The following WDR26 variants were observed in gnomAD, a reference collection of about 807,000 sequenced individuals.
WDR26 encodes the protein WD repeat domain 26, also known as WD repeat-containing protein 26.
A neutral mutation model predicts 84.1 loss-of-function variants in WDR26; 5 were observed. The observed-to-expected ratio is 0.06, with a 90% confidence interval of 0.03 to 0.13. The LOEUF (loss-of-function observed/expected upper bound fraction) is 0.13. WDR26 is among the 10% of genes least tolerant of loss of function. The pLI is 1.00. For synonymous variants in WDR26, 415 were observed against 389.6 expected (o/e 1.07, Z -0.77); for missense variants, 642 against 974.9 (o/e 0.66, Z 4.55).
chr1:224,401,671 C>CAAAAAAAAAAA (rs767368281), intron 8 of WDR26, among the ~76,000 whole-genome samples: 166 of 49,610 alleles, frequency 3.3e-3, no homozygotes, highest in Admixed American at 5.3e-3. Context: ...GAGACTGTCT[C>CAAAAAAAAAAA]AAAAAAAAAA....
At chr1:224,404,225 T>C (rs1332995157) in intron 8 of WDR26, among the ~76,000 whole-genome samples, 1 of 152,204 alleles carries the variant, frequency 6.6e-6, no homozygotes, top group East Asian at 1.9e-4. Flanking sequence ...AAACACTTAC[T>C]GATCATTCTT....
In WDR26 at chr1:224,389,455, A is replaced by T. The variant is rs756571491; in HGVS notation, c.*380T>A. 9 of 462,856 alleles carry T rather than the reference A, an allele frequency of 1.9e-5. No individual in the cohort carries two copies. Among genetic ancestry groups the T allele is most frequent in the African/African-American group, 4.1e-5 (2 of 48,898 alleles). 28.7% of individuals were successfully genotyped at this position (462,856 alleles called of 1,614,324 possible). On this transcript the variant is annotated 3_prime_UTR_variant, in exon 14 of 14. Coordinates refer to ENST00000414423, the MANE Select transcript of WDR26 (RefSeq NM_001379403.1). Reference sequence around the variant, plus strand: ...TATCAAGCCTTCTAAACTGTTAAATAAAGTTTTCCAAACAAGCATTTAAAC... The same window carrying T: ...TATCAAGCCTTCTAAACTGTTAAATTAAGTTTTCCAAACAAGCATTTAAAC...
At chr1:224,405,277 C>A (rs1673521397) in intron 7 of WDR26, among the ~76,000 whole-genome samples, 1 of 152,126 alleles carries the variant, frequency 6.6e-6, no homozygotes, top group Middle Eastern at 3.2e-3. Flanking sequence ...CTTTTTATTG[C>A]TGAATAATAT....
intron 9 of WDR26, among the ~76,000 whole-genome samples, chr1:224,400,632 G>T (rs1019094839): frequency 6.6e-6 from 1 of 152,070 alleles, no homozygotes; most frequent in East Asian, 1.9e-4. Context: ...TGCAATCTCC[G>T]CCTCCTGAGT....
At chr1:224,427,116 A>AAAAAAAAAC (rs1674252952) in intron 3 of WDR26, among the ~76,000 whole-genome samples, 1 of 151,234 alleles carries the variant, frequency 6.6e-6, no homozygotes, top group African/African-American at 2.4e-5. Flanking sequence ...AAAAAAAAAA[A>AAAAAAAAAC]AAAAAAAAAA....
chr1:224,404,629 T>C (rs1361438393), intron 7 of WDR26, 59 bp from the exon 8 acceptor site: 21 of 1,544,666 alleles, frequency 1.4e-5, no homozygotes, highest in Non-Finnish European at 1.8e-5. Context: ...TGTTTCCCAA[T>C]GTAAGAACTT....
intron 7 of WDR26, among the ~76,000 whole-genome samples, chr1:224,405,235 T>A (rs1352251597): frequency 6.6e-6 from 1 of 152,226 alleles, no homozygotes; most frequent in African/African-American, 2.4e-5. Context: ...TCAGGGTTCA[T>A]CCGTGTTATA....
rs576652422 is a variant in WDR26 at position 224,418,999 on chromosome 1, G to A, written c.1162+519C>T. Among the ~76,000 whole-genome samples, 9 of 152,276 alleles carry A rather than the reference G, an allele frequency of 5.9e-5. No individual in the cohort carries two copies. The South Asian group carries it at 1.9e-3, about 32-fold the overall frequency. On this transcript the variant is annotated intron_variant, in intron 5 of 13. Transcript: ENST00000414423. The stretch of plus-strand genomic sequence containing the variant: ...TACCTCCCCAACTGCACGGCTTTGT[G>A]ATTCTTAGGATCGTCACTGTCATTT...
intron 4 of WDR26, 106 bp downstream of exon 4, chr1:224,424,412 T>C: frequency 1.4e-6 from 2 of 1,440,774 alleles, no homozygotes; most frequent in Non-Finnish European, 1.9e-6. Flanking sequence ...CCTAGACAAA[T>C]ATCTAAGAAT....
At chr1:224,401,350 G>A (rs1339601185) in intron 8 of WDR26, among the ~76,000 whole-genome samples, 1 of 152,114 alleles carries the variant, frequency 6.6e-6, no homozygotes, top group Non-Finnish European at 1.5e-5. Context: ...TCAATTATAT[G>A]CATAAACTAA....
chr1:224,426,967 G>T (rs1021306135), intron 3 of WDR26, among the ~76,000 whole-genome samples: 2 of 151,490 alleles, frequency 1.3e-5, no homozygotes, highest in African/African-American at 4.8e-5. Context: ...GCTGGGTGTG[G>T]CAGCGGGTGC....
At chr1:224,403,845 G>T (rs1046233147) in intron 8 of WDR26, among the ~76,000 whole-genome samples, 1 of 152,176 alleles carries the variant, frequency 6.6e-6, no homozygotes, top group Non-Finnish European at 1.5e-5. Flanking sequence ...GCTGAGGCAG[G>T]AGAATCGCTT....
rs997113313 is a variant in WDR26, at chr1:224,434,407, G to A, written c.-2C>T. On this transcript the variant is annotated 5_prime_UTR_variant, in exon 1 of 14. Transcript: ENST00000414423. ...AGTTTCCTCGCCGAGAGAGGCCGTG[G>A]TGGGAAGCCGGTGGGGCGAGGCGGG... 1.1e-5 allele frequency: 12 copies of A among 1,100,860 alleles called. No homozygotes were observed. Among genetic ancestry groups the A allele is most frequent in the Middle Eastern group, 3.8e-4 (1 of 2,622 alleles). 68.2% of individuals were successfully genotyped at this position (1,100,860 alleles called of 1,614,324 possible). A position where few individuals can be genotyped will look rare whatever the true frequency, so the allele number is the denominator to read the frequency against.
At position 224,392,901 on chromosome 1, in the gene WDR26, T is replaced by TA. The variant is rs201845991; in HGVS notation, c.2260+926dup. ...GAGAGCAATTAGTCATCTTTCTCAC[T>TA]AAAAAAAAAAAAAAAATTTAGGTGG... On this transcript the variant is annotated intron_variant, in intron 13 of 13. Transcript: ENST00000414423. Among the ~76,000 whole-genome samples, 466 of 134,256 alleles carry TA rather than the reference T, an allele frequency of 3.5e-3. 1 individual carries two copies. Among genetic ancestry groups the TA allele is most frequent in the East Asian group, 5.3e-3 (25 of 4,716 alleles). The allele number at this position is 134,256 out of a possible 152,430, so 88.1% of individuals were successfully genotyped here. A position where few individuals can be genotyped will look rare whatever the true frequency, so the allele number is the denominator to read the frequency against.
In WDR26 at chr1:224,386,823, T is replaced by C. The variant is rs1337270781; in HGVS notation, c.*3012A>G. ...CCTGGTTTAATATAACACATTTATC[T>C]GGCCAATAAGAGCAACAGAAATGTA... On this transcript the variant is annotated 3_prime_UTR_variant, in exon 14 of 14. Transcript: ENST00000414423. 4 of 152,194 alleles carry C rather than the reference T, an allele frequency of 2.6e-5. No homozygotes were observed. The highest frequency in any genetic ancestry group is 5.9e-5 in the Non-Finnish European group (4 of 68,026). The allele number at this position is 152,194 out of a possible 1,614,324, so 9.4% of individuals were successfully genotyped here. A position where few individuals can be genotyped will look rare whatever the true frequency, so the allele number is the denominator to read the frequency against.
intron 12 of WDR26, among the ~76,000 whole-genome samples, chr1:224,394,643 T>C (rs1673212791): frequency 6.6e-6 from 1 of 152,140 alleles, no homozygotes; most frequent in African/African-American, 2.4e-5. Flanking sequence ...TAGCTGGGAT[T>C]ACAGGTGTGT....
intron 6 of WDR26, among the ~76,000 whole-genome samples, chr1:224,416,884 C>T (rs1673920303): frequency 6.6e-6 from 1 of 152,218 alleles, no homozygotes; most frequent in Admixed American, 6.5e-5. Context: ...TATTGCTATT[C>T]AATTTTATAC....
At chr1:224,393,507 C>T (rs905469730) in intron 13 of WDR26, among the ~76,000 whole-genome samples, 3 of 152,066 alleles carry the variant, frequency 2.0e-5, no homozygotes, top group Non-Finnish European at 4.4e-5. Flanking sequence ...ATTCTTCCTA[C>T]AATATTACGT....
chr1:224,399,155 TG>T, intron 9 of WDR26, 121 bp from the exon 10 acceptor site: 2 of 846,400 alleles, frequency 2.4e-6, no homozygotes, highest in Non-Finnish European at 3.4e-6. Context: ...TTCCTGAGAC[TG>T]ATCTCAACCT....
Sources: gnomAD v4.1 joint callset for allele counts (sites outside exome capture counted in the v4.1 genomes callset) on GRCh38, gnomAD v4.1.1 for gene constraint, MANE v1.5 for transcripts, NCBI Gene and HGNC (gene_info 2026-07-23, HGNC 2026-07-21) for gene names.